Variants in SDK1 observed in about 807,000 individuals in gnomAD.
SDK1 encodes the protein protein sidekick-1.
A neutral mutation model predicts 245.5 loss-of-function variants in SDK1; 157 were observed. The ratio of observed to expected loss-of-function variants is 0.64; its 90% confidence interval spans 0.56 to 0.73. The LOEUF (loss-of-function observed/expected upper bound fraction) is 0.73, where lower values mean the gene tolerates loss of function less well. SDK1 is among the 30% of genes least tolerant of loss of function. SDK1 has a pLI of 0.00. For synonymous variants in SDK1, 1,647 were observed against 1,278.5 expected (o/e 1.29, Z -6.15); for missense variants, 3,583 against 3,002.3 (o/e 1.19, Z -4.52).
At chr7:3,336,485 A>G (rs1780203291) in intron 1 of SDK1, among the ~76,000 whole-genome samples, 1 of 152,132 alleles carries the variant, frequency 6.6e-6, no homozygotes, top group Admixed American at 6.5e-5. Context: ...GCAGGGGGCT[A>G]ATTACCATTA....
intron 44 of SDK1, among the ~76,000 whole-genome samples, chr7:4,262,421 G>C (rs150397645): frequency 6.6e-6 from 1 of 151,306 alleles, no homozygotes; most frequent in Non-Finnish European, 1.5e-5. Flanking sequence ...AAACATGCAG[G>C]GTCCATGTTC....
intron 44 of SDK1, 94 bp from the exon 45 acceptor site, chr7:4,265,030 T>C: frequency 6.6e-7 from 1 of 1,521,886 alleles, no homozygotes; most frequent in Non-Finnish European, 8.8e-7. Flanking sequence ...CACACGCCCC[T>C]GGGGAGGTGC....
intron 8 of SDK1, among the ~76,000 whole-genome samples, chr7:3,960,923 A>C (rs991475279): frequency 6.6e-6 from 1 of 152,242 alleles, no homozygotes; most frequent in African/African-American, 2.4e-5. Flanking sequence ...AGTATACAAT[A>C]CTGCGGGGGA....
intron 5 of SDK1, among the ~76,000 whole-genome samples, chr7:3,892,305 C>G: frequency 6.6e-6 from 1 of 152,238 alleles, no homozygotes; most frequent in East Asian, 1.9e-4. Context: ...TCAGCTGCAG[C>G]TCTGCCGAGC....
chr7:4,103,201 C>T (rs1005324763), intron 22 of SDK1, among the ~76,000 whole-genome samples: 4 of 152,118 alleles, frequency 2.6e-5, no homozygotes, highest in African/African-American at 9.7e-5. Context: ...TGGGTTTCAC[C>T]ATGTTAGCCA....
At chr7:3,514,540 C>T (rs901450015) in intron 1 of SDK1, among the ~76,000 whole-genome samples, 2 of 152,150 alleles carry the variant, frequency 1.3e-5, no homozygotes, top group African/African-American at 4.8e-5. Context: ...TTGTCAGTCA[C>T]TGCTCGCCAT....
chr7:4,027,327 C>T (rs1025949142), intron 17 of SDK1, among the ~76,000 whole-genome samples: 5 of 152,160 alleles, frequency 3.3e-5, no homozygotes, highest in South Asian at 2.1e-4. Flanking sequence ...GTTAGAATAT[C>T]GGCAAGTGCA....
Position 3,367,148 on chromosome 7 carries a change from T to TTTAC in SDK1, c.298+65267_298+65268insCTTA, listed in dbSNP as rs1781114532. ...CTTTTGACTTTGCCTACAATTTTAT[T>TTTAC]TTATTTATTTATTTATTTATTTTTA... is the stretch of plus-strand genomic sequence containing the variant. On this transcript the variant is annotated intron_variant, in intron 1 of 44. Coordinates refer to ENST00000404826, the MANE Select transcript of SDK1 (RefSeq NM_152744.4). 4.1e-5 allele frequency among the ~76,000 whole-genome samples: 5 copies of TTTAC among 120,540 alleles called. No individual in the cohort carries two copies. In the South Asian group the frequency reaches 1.2e-3, roughly 30 times the overall value. The allele number at this position is 120,540 out of a possible 152,430, so 79.1% of individuals were successfully genotyped here.
intron 4 of SDK1, among the ~76,000 whole-genome samples, chr7:3,642,598 C>T (rs1006025127): frequency 1.3e-5 from 2 of 152,042 alleles, no homozygotes; most frequent in African/African-American, 4.8e-5. Flanking sequence ...AGTTTTATTT[C>T]TCTTCATCTA....
intron 4 of SDK1, among the ~76,000 whole-genome samples, chr7:3,664,859 A>G (rs2128660632): frequency 6.6e-6 from 1 of 152,304 alleles, no homozygotes; most frequent in Admixed American, 6.5e-5. Flanking sequence ...ATGAAGAAAC[A>G]TTGCCTCCAA....
At chr7:3,410,376 C>G (rs1235198672) in intron 1 of SDK1, among the ~76,000 whole-genome samples, 1 of 151,912 alleles carries the variant, frequency 6.6e-6, no homozygotes, top group East Asian at 1.9e-4. Context: ...GACCTGTGTC[C>G]CATCTTCAAG....
chr7:3,834,283 T>C (rs1199807371), intron 5 of SDK1, among the ~76,000 whole-genome samples: 2 of 152,240 alleles, frequency 1.3e-5, no homozygotes, highest in Admixed American at 6.5e-5. Context: ...GCATTACGCT[T>C]GATGCCGAGG....
chr7:3,614,916 C>CTT (rs148131080), intron 1 of SDK1, among the ~76,000 whole-genome samples: 2 of 144,682 alleles, frequency 1.4e-5, no homozygotes, highest in African/African-American at 4.9e-5. Flanking sequence ...TTAAAATGAG[C>CTT]TTTTTTTTTC....
intron 2 of SDK1, among the ~76,000 whole-genome samples, chr7:3,622,020 A>G (rs1781957427): frequency 6.6e-6 from 1 of 152,180 alleles, no homozygotes; most frequent in Non-Finnish European, 1.5e-5. Context: ...GCCCATTTGT[A>G]GGCTGATATT....
At chr7:3,353,845 T>C (rs1302902787) in intron 1 of SDK1, among the ~76,000 whole-genome samples, 1 of 152,042 alleles carries the variant, frequency 6.6e-6, no homozygotes, top group Non-Finnish European at 1.5e-5. Flanking sequence ...GTGTCCTGCA[T>C]GTCAGTTTCC....
chr7:4,102,920 T>C (rs1255639349), intron 22 of SDK1, among the ~76,000 whole-genome samples: 1 of 139,696 alleles, frequency 7.2e-6, no homozygotes, highest in Non-Finnish European at 1.5e-5. Context: ...GTCCGAAATA[T>C]CATAAAGTAC....
chr7:3,311,791 A>G (rs1411441807), intron 1 of SDK1, among the ~76,000 whole-genome samples: 1 of 152,302 alleles, frequency 6.6e-6, no homozygotes, highest in Middle Eastern at 3.4e-3. Context: ...GCGTTTCTGA[A>G]GTTTAAAATA....
Position 3,962,827 on chromosome 7 carries a change from A to G in SDK1, c.1405A>G (p.Thr469Ala), listed in dbSNP as rs772530498. ...CAGCAATGAAGGAGGGGAGATCCAG[A>G]CCCACACCTACCTGGATGTAACCAG... The part of the protein sequence containing the change: ...FASNEGGEIQ[T>A]HTYLDVTNIA... The change falls in exon 9 of 45, where the codon ACC becomes GCC. Residue 469 changes from threonine (T) to alanine (A), a missense_variant. By Grantham distance (58) the Thr-to-Ala change is moderately conservative. Transcript: ENST00000404826. 6 of 1,612,580 alleles carry G rather than the reference A, an allele frequency of 3.7e-6. No homozygotes were observed. The African/African-American group carries it at 6.7e-5, about 18-fold the overall frequency.
intron 36 of SDK1, among the ~76,000 whole-genome samples, chr7:4,206,335 A>G (rs1176147390): frequency 6.6e-6 from 1 of 152,216 alleles, no homozygotes; most frequent in Non-Finnish European, 1.5e-5. Context: ...TGGAGCCCCC[A>G]GTACATTGGC....
Sources: gnomAD v4.1 joint callset for allele counts (sites outside exome capture counted in the v4.1 genomes callset) on GRCh38, gnomAD v4.1.1 for gene constraint, MANE v1.5 for transcripts, NCBI Gene and HGNC (gene_info 2026-07-23, HGNC 2026-07-21) for gene names.